The following PPP6R3 variants were observed in gnomAD, a reference collection of about 807,000 sequenced individuals.
PPP6R3 encodes serine/threonine-protein phosphatase 6 regulatory subunit 3.
A neutral mutation model predicts 110.7 loss-of-function variants in PPP6R3; 38 were observed. That is an observed-to-expected ratio of 0.34 (90% confidence interval 0.26 to 0.45). The LOEUF (loss-of-function observed/expected upper bound fraction) is 0.45, where lower values mean the gene tolerates loss of function less well. Ranked by LOEUF, PPP6R3 falls within the 20% of genes least tolerant of loss-of-function variation. PPP6R3 has a pLI of 1.00. For synonymous variants in PPP6R3, 369 were observed against 373.5 expected (o/e 0.99, Z 0.14); for missense variants, 870 against 1,062.4 (o/e 0.82, Z 2.52).
chr11:68,586,776 G>T (rs1200293614), intron 15 of PPP6R3: 1 of 152,250 alleles, frequency 6.6e-6, no homozygotes, highest in African/African-American at 2.4e-5. Context: ...ACCAGAATGA[G>T]TAATCAGGAA....
chr11:68,581,669 G>A (rs901036012), intron 14 of PPP6R3, among the ~76,000 whole-genome samples: 13 of 152,170 alleles, frequency 8.5e-5, no homozygotes, highest in African/African-American at 2.4e-4. Flanking sequence ...TGACCAAGCA[G>A]TATTCCCACT....
chr11:68,554,871 T>G (rs2099393377), intron 7 of PPP6R3, among the ~76,000 whole-genome samples: 2 of 152,238 alleles, frequency 1.3e-5, no homozygotes, highest in Admixed American at 6.5e-5. Flanking sequence ...TGCATACAGC[T>G]AGCATTGTTA....
At chr11:68,569,303 A>G (rs1020492583) in intron 10 of PPP6R3, among the ~76,000 whole-genome samples, 4 of 152,176 alleles carry the variant, frequency 2.6e-5, no homozygotes, top group African/African-American at 9.7e-5. Flanking sequence ...TTTATGAGGG[A>G]TACCTTCCAA....
intron 2 of PPP6R3, among the ~76,000 whole-genome samples, chr11:68,530,170 A>C (rs989441335): frequency 6.6e-6 from 1 of 152,144 alleles, no homozygotes; most frequent in African/African-American, 2.4e-5. Flanking sequence ...GTGGCTCAAA[A>C]GTTTATTTCT....
At chr11:68,494,456 A>C (rs751790126) in intron 1 of PPP6R3, among the ~76,000 whole-genome samples, 11 of 149,894 alleles carry the variant, frequency 7.3e-5, no homozygotes, top group Non-Finnish European at 1.0e-4. Context: ...ACGCAAGTGT[A>C]TCAGCAATAG....
intron 16 of PPP6R3, among the ~76,000 whole-genome samples, chr11:68,589,841 C>T (rs1245956960): frequency 1.3e-5 from 2 of 152,224 alleles, no homozygotes; most frequent in East Asian, 1.9e-4. Flanking sequence ...ATGGAGGTGC[C>T]GCTGTAAACA....
At position 68,615,030 on chromosome 11, in the gene PPP6R3, C is replaced by G. The variant is rs1400509432; in HGVS notation, c.*1913C>G. 1 of 505,282 alleles carries G rather than the reference C, an allele frequency of 2.0e-6. No individual in the cohort carries two copies. Among genetic ancestry groups the G allele is most frequent in the Non-Finnish European group, 3.9e-6 (1 of 258,886 alleles). The allele number at this position is 505,282 out of a possible 1,614,324, so 31.3% of individuals were successfully genotyped here. ...GTATGGACCTGGTGGCTTCTCCATC[C>G]TACCCAAGGTAACAGTGTCTTGCTT... On this transcript the variant is annotated 3_prime_UTR_variant, in exon 24 of 24. Transcript: ENST00000393800.
In PPP6R3 at chr11:68,598,355, G is replaced by A. The variant is rs968216250; in HGVS notation, c.2039-1986G>A. 5.3e-5 allele frequency among the ~76,000 whole-genome samples: 8 copies of A among 152,322 alleles called. No homozygotes were observed. The East Asian group carries it at 1.2e-3, about 22-fold the overall frequency. Reference sequence around the variant, plus strand: ...GACAGGGAGGGAAACACACTTGGCTGGACTGCGTGCCGCTGCTGCTGTGAC... The same window carrying A: ...GACAGGGAGGGAAACACACTTGGCTAGACTGCGTGCCGCTGCTGCTGTGAC... On this transcript the variant is annotated intron_variant, in intron 19 of 23. Coordinates refer to ENST00000393800, the MANE Select transcript of PPP6R3 (RefSeq NM_001164161.2).
intron 1 of PPP6R3, among the ~76,000 whole-genome samples, chr11:68,461,515 C>A (rs1308788555): frequency 1.3e-5 from 2 of 151,752 alleles, no homozygotes; most frequent in Non-Finnish European, 2.9e-5. Context: ...GGTGGTCCTT[C>A]TTGTGGCTTG....
chr11:68,591,776 A>G (rs1466068869), intron 18 of PPP6R3, 70 bp downstream of exon 18: 13 of 1,475,336 alleles, frequency 8.8e-6, no homozygotes, highest in Non-Finnish European at 1.2e-5. Flanking sequence ...TGAGACATAC[A>G]TTGTGTCATC....
intron 1 of PPP6R3, among the ~76,000 whole-genome samples, chr11:68,506,402 GC>G: frequency 1.2e-5 from 1 of 80,920 alleles, no homozygotes. Flanking sequence ...GCTGCACCCA[GC>G]CCTTTATACT....
intron 4 of PPP6R3, 85 bp downstream of exon 4, chr11:68,545,109 T>G: frequency 9.2e-7 from 1 of 1,092,392 alleles, no homozygotes; most frequent in South Asian, 2.0e-5. Flanking sequence ...TTAAGAGTTC[T>G]AACTTTGCCT....
At chr11:68,541,205 C>T (rs2099313485) in intron 3 of PPP6R3, among the ~76,000 whole-genome samples, 1 of 152,208 alleles carries the variant, frequency 6.6e-6, no homozygotes, top group African/African-American at 2.4e-5. Flanking sequence ...GCCATGGCTT[C>T]AGCTGGTCCC....
intron 1 of PPP6R3, among the ~76,000 whole-genome samples, chr11:68,513,170 G>A (rs1287327141): frequency 6.6e-6 from 1 of 152,034 alleles, no homozygotes; most frequent in Non-Finnish European, 1.5e-5. Flanking sequence ...GGCATCCCGG[G>A]GGTCTTCAGC....
chr11:68,467,674 G>A lies in PPP6R3; in HGVS notation c.-158+6847G>A, dbSNP rs529399086. Among the ~76,000 whole-genome samples the A allele has an allele frequency of 1.4e-4, 22 of 152,346 alleles. No homozygotes were observed. In the South Asian group the frequency reaches 3.9e-3, roughly 27 times the overall value. ...GTTGGGCTTTGGTCCTCAGATGGGC[G>A]TAGCGGGAGGAACACTGACTAGTCT... On this transcript the variant is annotated intron_variant, in intron 1 of 23. Transcript: ENST00000393800.
chr11:68,468,017 G>T (rs571741672), intron 1 of PPP6R3, among the ~76,000 whole-genome samples: 3 of 152,152 alleles, frequency 2.0e-5, no homozygotes, highest in South Asian at 2.1e-4. Flanking sequence ...CTAGTGATCC[G>T]CCCGTCTTGG....
chr11:68,596,345 T>C, intron 19 of PPP6R3, 127 bp downstream of exon 19: 1 of 1,279,470 alleles, frequency 7.8e-7, no homozygotes, highest in Non-Finnish European at 1.1e-6. Context: ...AAGCGTGTTG[T>C]CAAGTGAATT....
intron 2 of PPP6R3, among the ~76,000 whole-genome samples, chr11:68,524,538 C>T (rs181925370): frequency 4.6e-4 from 70 of 152,228 alleles, no homozygotes; most frequent in African/African-American, 1.6e-3. Context: ...TTAGTTACAT[C>T]GTAATATTAG....
At chr11:68,535,799 TAAAAAAA>T (rs1269536453) in intron 2 of PPP6R3, among the ~76,000 whole-genome samples, 2 of 78,390 alleles carry the variant, frequency 2.6e-5, no homozygotes, top group South Asian at 4.7e-4. Flanking sequence ...CCGTCTCTAC[TAAAAAAA>T]AAAAAAAAAA....
Sources: allele counts gnomAD v4.1 joint callset (sites outside exome capture counted in the v4.1 genomes callset), GRCh38; gene constraint gnomAD v4.1.1; transcripts MANE v1.5; gene names NCBI Gene and HGNC (gene_info 2026-07-23, HGNC 2026-07-21).